Variants in RAB11A observed in about 807,000 individuals in gnomAD.
The protein encoded by RAB11A is RAB11A, member RAS oncogene family.
A neutral mutation model predicts 28.0 loss-of-function variants in RAB11A; 9 were observed. The observed-to-expected ratio is 0.32, with a 90% confidence interval of 0.19 to 0.56. RAB11A has a LOEUF of 0.56. Ranked by LOEUF, RAB11A falls within the 20% of genes least tolerant of loss-of-function variation. RAB11A has a pLI of 0.91. For missense variants in RAB11A, 108 were observed against 269.6 expected, an observed-to-expected ratio of 0.40 and a Z score of 4.20; for synonymous variants, 85 against 88.2, an observed-to-expected ratio of 0.96 and a Z score of 0.20.
intron 1 of RAB11A, among the ~76,000 whole-genome samples, chr15:65,871,714 G>A (rs529528107): frequency 6.6e-6 from 1 of 152,164 alleles, no homozygotes; most frequent in Non-Finnish European, 1.5e-5. Context: ...CGTAGACCTC[G>A]GTTTAGATCC....
intron 1 of RAB11A, 59 bp downstream of exon 1, chr15:65,869,684 C>A: frequency 6.4e-7 from 1 of 1,557,872 alleles, no homozygotes; most frequent in South Asian, 1.1e-5. Context: ...GGGCCACTCC[C>A]GGTGGACCCT....
chr15:65,879,025 A>G (rs1271121406), intron 3 of RAB11A, among the ~76,000 whole-genome samples: 1 of 141,286 alleles, frequency 7.1e-6, no homozygotes, highest in African/African-American at 2.7e-5. Flanking sequence ...CCAGGATCTC[A>G]CTCTGTGACC....
chr15:65,869,755 C>G (rs2078146552), intron 1 of RAB11A, 130 bp downstream of exon 1: 2 of 984,074 alleles, frequency 2.0e-6, no homozygotes, highest in Admixed American at 2.8e-5. Context: ...TGTGCGGTTC[C>G]GTCTCCTACC....
At chr15:65,872,114 C>T (rs1045183259) in intron 1 of RAB11A, among the ~76,000 whole-genome samples, 7 of 151,258 alleles carry the variant, frequency 4.6e-5, no homozygotes, top group African/African-American at 1.7e-4. Flanking sequence ...CCACCACGCC[C>T]GGCTAGTTTT....
chr15:65,876,040 A>T (rs1021164533), intron 1 of RAB11A, among the ~76,000 whole-genome samples: 12 of 152,228 alleles, frequency 7.9e-5, no homozygotes, highest in African/African-American at 2.7e-4. Context: ...GATTCTATAA[A>T]CGTGTGAACT....
intron 1 of RAB11A, among the ~76,000 whole-genome samples, chr15:65,872,828 T>C (rs1322664179): frequency 6.6e-6 from 1 of 152,238 alleles, no homozygotes; most frequent in Non-Finnish European, 1.5e-5. Context: ...ATTTCTTATT[T>C]ATACAAGTAT....
In RAB11A at chr15:65,891,348, A is replaced by C. The variant is rs1042998398; in HGVS notation, c.*3508A>C. The C allele has an allele frequency of 6.6e-6, 1 of 152,246 alleles. No individual in the cohort carries two copies. The highest frequency in any genetic ancestry group is 1.5e-5 in the Non-Finnish European group (1 of 68,042). The allele number at this position is 152,246 out of a possible 1,614,324, so 9.4% of individuals were successfully genotyped here. On this transcript the variant is annotated 3_prime_UTR_variant, in exon 5 of 5. Transcript: ENST00000261890. The stretch of plus-strand genomic sequence containing the variant: ...TCTATTCTCCTGAAAAGTGAATTGG[A>C]GAATAAAGAAAGAATATTTGAAAGG...
rs570944684 is a variant in RAB11A, at chr15:65,873,719, A to AT, written c.41-3600dup. Reference sequence around the variant, plus strand: ...CAAATGTGCTCCACCATGCCTGGCTATTTTTTTTTTTTTAAGACTATCCCA... The same window carrying AT: ...CAAATGTGCTCCACCATGCCTGGCTATTTTTTTTTTTTTTAAGACTATCCCA... On this transcript the variant is annotated intron_variant, in intron 1 of 4. Transcript: ENST00000261890. Among the ~76,000 whole-genome samples, 600 of 142,528 alleles carry AT rather than the reference A, an allele frequency of 4.2e-3. 3 individuals are homozygous for AT. Among genetic ancestry groups the AT allele is most frequent in the Middle Eastern group, 0.025 (7 of 278 alleles). 93.5% of individuals were successfully genotyped at this position (142,528 alleles called of 152,430 possible).
intron 1 of RAB11A, 100 bp downstream of exon 1, chr15:65,869,725 C>A: frequency 1.6e-6 from 2 of 1,233,718 alleles, no homozygotes; most frequent in Non-Finnish European, 2.2e-6. Context: ...TGATATAGGC[C>A]TCCCTCAGCC....
intron 4 of RAB11A, among the ~76,000 whole-genome samples, chr15:65,886,711 C>T (rs542944259): frequency 3.9e-5 from 6 of 152,202 alleles, no homozygotes; most frequent in Non-Finnish European, 4.4e-5. Flanking sequence ...GACATTCATG[C>T]GGTTATTTAT....
At chr15:65,878,324 C>T (rs1231954752) in intron 3 of RAB11A, among the ~76,000 whole-genome samples, 1 of 152,198 alleles carries the variant, frequency 6.6e-6, no homozygotes, top group East Asian at 1.9e-4. Context: ...AAAGAATTCA[C>T]GTGTCTCTTG....
intron 4 of RAB11A, among the ~76,000 whole-genome samples, chr15:65,880,167 A>T (rs1052025521): frequency 6.6e-6 from 1 of 152,226 alleles, no homozygotes; most frequent in African/African-American, 2.4e-5. Flanking sequence ...CGACAAAATA[A>T]AATTCTCCCA....
At chr15:65,869,812 GC>G (rs1188885504) in intron 1 of RAB11A, among the ~76,000 whole-genome samples, 187 bp downstream of exon 1, 1 of 152,158 alleles carries the variant, frequency 6.6e-6, no homozygotes, top group Non-Finnish European at 1.5e-5. Context: ...CCCATCACAT[GC>G]CGCTCTCTGA....
At chr15:65,879,791 AG>A (rs1345402266) in intron 4 of RAB11A, 40 bp downstream of exon 4, 1 of 1,417,938 alleles carries the variant, frequency 7.1e-7, no homozygotes, top group Non-Finnish European at 9.8e-7. Context: ...TAGGACTAGA[AG>A]TTTTAGGAAG....
At chr15:65,887,639 C>G in intron 4 of RAB11A, 62 bp from the exon 5 acceptor site, 1 of 1,464,136 alleles carries the variant, frequency 6.8e-7, no homozygotes. Flanking sequence ...CTTTATGTAT[C>G]TTTTATCCTA....
intron 4 of RAB11A, among the ~76,000 whole-genome samples, chr15:65,881,934 G>A (rs922678841): frequency 2.0e-5 from 3 of 151,084 alleles, no homozygotes; most frequent in African/African-American, 7.3e-5. Flanking sequence ...GGTAGTGTGT[G>A]CGCCTGTAGT....
At position 65,889,177 on chromosome 15, in the gene RAB11A, T is replaced by C. The variant is rs1314959296; in HGVS notation, c.*1337T>C. 6.6e-6 allele frequency: 1 copy of C among 152,656 alleles called. No individual in the cohort carries two copies. Among genetic ancestry groups the C allele is most frequent in the Admixed American group, 6.5e-5 (1 of 15,284 alleles). The allele number at this position is 152,656 out of a possible 1,614,324, so 9.5% of individuals were successfully genotyped here. On this transcript the variant is annotated 3_prime_UTR_variant, in exon 5 of 5. Transcript: ENST00000261890. ...GGATGGTGGGAAATCCCCAAAAATA[T>C]GTATGTGTGGGCTTGCTTAGATTAC...
chr15:65,869,637 G>A lies in RAB11A; in HGVS notation c.40+12G>A, dbSNP rs1415055351. On this transcript the variant is annotated intron_variant, in intron 1 of 4. Coordinates refer to ENST00000261890, the MANE Select transcript of RAB11A (RefSeq NM_004663.5). ...CTACCTCTTTAAAGGTGAGGCCATG[G>A]GCTCTCGCACTCTACACAGTCCTCG... is the stretch of plus-strand genomic sequence containing the variant. 2.5e-6 allele frequency: 4 copies of A among 1,611,034 alleles called. No individual in the cohort carries two copies. The highest frequency in any genetic ancestry group is 3.4e-6 in the Non-Finnish European group (4 of 1,179,486).
intron 4 of RAB11A, among the ~76,000 whole-genome samples, chr15:65,887,414 C>T (rs1402758733): frequency 1.3e-5 from 2 of 152,182 alleles, no homozygotes; most frequent in East Asian, 3.9e-4. Context: ...CTCAGGTGAT[C>T]TGCCTGGCCT....
Sources: gnomAD v4.1 joint callset for allele counts (sites outside exome capture counted in the v4.1 genomes callset) on GRCh38, gnomAD v4.1.1 for gene constraint, MANE v1.5 for transcripts, NCBI Gene and HGNC (gene_info 2026-07-23, HGNC 2026-07-21) for gene names.